TMEM33: variants seen among roughly 807,000 people sequenced by gnomAD.
TMEM33 encodes the protein transmembrane protein 33.
In TMEM33, 16 loss-of-function variants were observed where a neutral mutation model predicts 29.7. That is an observed-to-expected ratio of 0.54 (90% CI 0.36 to 0.82). The LOEUF (loss-of-function observed/expected upper bound fraction) is 0.82, where lower values mean the gene tolerates loss of function less well. TMEM33 is among the 40% of genes least tolerant of loss of function. The pLI is 0.00. For synonymous variants in TMEM33, 112 were observed against 109.4 expected, an observed-to-expected ratio of 1.02 and a Z score of -0.15; for missense variants, 252 against 295.3, an observed-to-expected ratio of 0.85 and a Z score of 1.08.
chr4:41,945,580 G>A (rs1232850086), intron 5 of TMEM33, among the ~76,000 whole-genome samples: 1 of 152,194 alleles, frequency 6.6e-6, no homozygotes, highest in Admixed American at 6.5e-5. Flanking sequence ...GTCTATGTAT[G>A]TAGTCCTTTA....
In TMEM33 at chr4:41,955,483, TG is replaced by T. The variant is rs1158575324; in HGVS notation, c.*1285del. On this transcript the variant is annotated 3_prime_UTR_variant, in exon 7 of 7. Coordinates refer to ENST00000504986, the MANE Select transcript of TMEM33 (RefSeq NM_018126.3). ...TAGTATAGAGAAATGTAATGGTTTTTGTGACCAGTTTCTGTCTGCATGTAAT... is the reference window on the plus strand; with the variant it reads ...TAGTATAGAGAAATGTAATGGTTTTTTGACCAGTTTCTGTCTGCATGTAAT... 3.3e-5 allele frequency: 5 copies of T among 152,790 alleles called. No homozygotes were observed. The highest frequency in any genetic ancestry group is 1.2e-4 in the African/African-American group (5 of 41,594). The allele number at this position is 152,790 out of a possible 1,614,324, so 9.5% of individuals were successfully genotyped here.
At chr4:41,953,909 C>T in intron 6 of TMEM33, 161 bp from the exon 7 acceptor site, 1 of 769,242 alleles carries the variant, frequency 1.3e-6, no homozygotes, top group South Asian at 1.5e-5. Context: ...GAAGTGAGCA[C>T]ATGCTGTTGG....
At chr4:41,943,119 AC>A (rs1230948973) in intron 3 of TMEM33, among the ~76,000 whole-genome samples, 1 of 152,234 alleles carries the variant, frequency 6.6e-6, no homozygotes, top group African/African-American at 2.4e-5. Context: ...AGCTATACTT[AC>A]AACCCTTTGG....
chr4:41,935,545 G>T lies in TMEM33; in HGVS notation c.45+16G>T, dbSNP rs943666757. On this transcript the variant is annotated intron_variant, in intron 1 of 6. Transcript: ENST00000504986. ...GGGCGCTGTGGTAAGTGCGAGGGCA[G>T]GGTAGTCTGGCTTGATTTGCAAGAG... 9.4e-6 allele frequency: 15 copies of T among 1,600,104 alleles called. No individual in the cohort carries two copies. The highest frequency in any genetic ancestry group is 1.3e-5 in the Non-Finnish European group (15 of 1,173,396).
At position 41,956,926 on chromosome 4, in the gene TMEM33, T is replaced by G. The variant is rs958671326; in HGVS notation, c.*2727T>G. 1.3e-5 allele frequency: 2 copies of G among 152,212 alleles called. No individual in the cohort carries two copies. Among genetic ancestry groups the G allele is most frequent in the Non-Finnish European group, 2.9e-5 (2 of 68,012 alleles). 9.4% of individuals were successfully genotyped at this position (152,212 alleles called of 1,614,324 possible). On this transcript the variant is annotated 3_prime_UTR_variant, in exon 7 of 7. Transcript: ENST00000504986. ...TGGAATTTGAAATTATAGTGTTACA[T>G]GTATACCTATCAAATTAAAATTAAG...
chr4:41,946,043 T>C (rs946779481), intron 5 of TMEM33, among the ~76,000 whole-genome samples: 1 of 150,340 alleles, frequency 6.7e-6, no homozygotes, highest in Non-Finnish European at 1.5e-5. Flanking sequence ...CTTGTATGTT[T>C]TCATAACCTA....
At chr4:41,935,177 T>C (rs41265679), upstream of TMEM33, 8,691 of 498,696 alleles carry the variant, frequency 0.017, 114 homozygotes, top group South Asian at 0.021. Context: ...GCGGCGTAGG[T>C]TGGCTCTTTA....
chr4:41,940,046 C>CCTTTTTTTTTTTTTTTTT lies in TMEM33; in HGVS notation c.328+663_328+664insCTTTTTTTTTTTTTTTTT, dbSNP rs1553910603. On this transcript the variant is annotated intron_variant, in intron 3 of 6. Transcript: ENST00000504986. Reference sequence around the variant, plus strand: ...TATAGTGAACACTAGGTTAAACTTTCTTTTTTTTTTTTTTTTTTTTTTTTG... The same window carrying CCTTTTTTTTTTTTTTTTT: ...TATAGTGAACACTAGGTTAAACTTTCCTTTTTTTTTTTTTTTTTTTTTTTTTTTTTTTTTTTTTTTTTG... 4.9e-5 allele frequency among the ~76,000 whole-genome samples: 4 copies of CCTTTTTTTTTTTTTTTTT among 81,368 alleles called. 1 individual carries two copies. Among genetic ancestry groups the CCTTTTTTTTTTTTTTTTT allele is most frequent in the African/African-American group, 2.2e-4 (4 of 17,890 alleles). 53.4% of individuals were successfully genotyped at this position (81,368 alleles called of 152,430 possible).
intron 3 of TMEM33, among the ~76,000 whole-genome samples, chr4:41,942,540 T>C (rs1712588792): frequency 1.3e-5 from 2 of 152,202 alleles, no homozygotes; most frequent in South Asian, 4.1e-4. Context: ...TCAGTTAGTA[T>C]AGAAAAATAC....
At position 41,947,695 on chromosome 4, in the gene TMEM33, C is replaced by T. The variant is rs558534780; in HGVS notation, c.531-1607C>T. On this transcript the variant is annotated intron_variant, in intron 5 of 6. Transcript: ENST00000504986. The stretch of plus-strand genomic sequence containing the variant: ...CTTAAGTAGGTAGTTTGAATATGAC[C>T]TAAACAATAAAATTAAGAACAGTCT... Among the ~76,000 whole-genome samples, 6 of 152,190 alleles carry T rather than the reference C, an allele frequency of 3.9e-5. No individual in the cohort carries two copies. In the South Asian group the frequency reaches 1.0e-3, roughly 26 times the overall value.
At chr4:41,948,367 T>A (rs75622231) in intron 5 of TMEM33, among the ~76,000 whole-genome samples, 3,960 of 152,222 alleles carry the variant, frequency 0.026, 162 homozygotes, top group African/African-American at 0.089. Flanking sequence ...CTATGTTGTG[T>A]CTCTTACATT....
At chr4:41,952,373 T>TAAAAC in intron 6 of TMEM33, among the ~76,000 whole-genome samples, 1 of 152,228 alleles carries the variant, frequency 6.6e-6, no homozygotes. Context: ...CACAAAAAGG[T>TAAAAC]AGAATAGTAG....
chr4:41,939,993 A>ATAT (rs943135627), intron 3 of TMEM33, among the ~76,000 whole-genome samples: 1 of 151,864 alleles, frequency 6.6e-6, no homozygotes, highest in Non-Finnish European at 1.5e-5. Flanking sequence ...GTAGTCCATA[A>ATAT]AGGAGGGGAA....
At chr4:41,936,464 G>A (rs996962882) in intron 1 of TMEM33, among the ~76,000 whole-genome samples, 6 of 152,174 alleles carry the variant, frequency 3.9e-5, no homozygotes, top group Non-Finnish European at 7.3e-5. Flanking sequence ...GATCGCTTGC[G>A]CCCGAGAAGT....
Position 41,954,312 on chromosome 4 carries a change from T to C in TMEM33, c.*113T>C. 2 of 1,100,638 alleles carry C rather than the reference T, an allele frequency of 1.8e-6. No homozygotes were observed. Among genetic ancestry groups the C allele is most frequent in the Non-Finnish European group, 2.5e-6 (2 of 794,180 alleles). 68.2% of individuals were successfully genotyped at this position (1,100,638 alleles called of 1,614,324 possible). On this transcript the variant is annotated 3_prime_UTR_variant, in exon 7 of 7. Coordinates refer to ENST00000504986, the MANE Select transcript of TMEM33 (RefSeq NM_018126.3). ...CTGACCTCAATCCAATTTACATAAT[T>C]TACATAAATGCATCTCGGTGGAAAA...
At chr4:41,942,497 A>G (rs1440008599) in intron 3 of TMEM33, among the ~76,000 whole-genome samples, 1 of 152,218 alleles carries the variant, frequency 6.6e-6, no homozygotes, top group African/African-American at 2.4e-5. Flanking sequence ...AGATTATGTT[A>G]CAGCAATCAC....
At chr4:41,944,640 T>A (rs1712698062) in intron 4 of TMEM33, among the ~76,000 whole-genome samples, 153 bp from the exon 5 acceptor site, 1 of 152,210 alleles carries the variant, frequency 6.6e-6, no homozygotes, top group South Asian at 2.1e-4. Context: ...ATACTATATT[T>A]GTCCTTAAAT....
chr4:41,941,183 T>A (rs992639293), intron 3 of TMEM33, among the ~76,000 whole-genome samples: 2 of 152,248 alleles, frequency 1.3e-5, no homozygotes, highest in Admixed American at 1.3e-4. Context: ...GAGTCTGTAA[T>A]GTCCCATCAT....
chr4:41,949,199 G>T, intron 5 of TMEM33, 103 bp from the exon 6 acceptor site: 2 of 665,340 alleles, frequency 3.0e-6, no homozygotes, highest in East Asian at 2.9e-5. Context: ...ACCATTTGAT[G>T]AATGAAGATA....
Sources: allele counts gnomAD v4.1 joint callset (sites outside exome capture counted in the v4.1 genomes callset), GRCh38; gene constraint gnomAD v4.1.1; transcripts MANE v1.5; gene names NCBI Gene and HGNC (gene_info 2026-07-23, HGNC 2026-07-21).